Variants in TSHZ1 observed in about 807,000 individuals in gnomAD.
The protein encoded by TSHZ1 is teashirt zinc finger homeobox 1.
In TSHZ1, 12 loss-of-function variants were observed where a neutral mutation model predicts 67.1. The observed-to-expected ratio is 0.18, with a 90% confidence interval of 0.11 to 0.29. The LOEUF (loss-of-function observed/expected upper bound fraction) is 0.29. TSHZ1 is among the 10% of genes least tolerant of loss of function. TSHZ1 has a pLI of 1.00. For missense variants in TSHZ1, 1,305 were observed against 1,413.9 expected (o/e 0.92, Z 1.23); for synonymous variants, 632 against 622.4 (o/e 1.02, Z -0.23).
chr18:75,214,354 C>A (rs1485296650), intron 1 of TSHZ1, among the ~76,000 whole-genome samples: 1 of 152,144 alleles, frequency 6.6e-6, no homozygotes, highest in Non-Finnish European at 1.5e-5. Flanking sequence ...AAGGAGCCGT[C>A]GATGTTTATA....
chr18:75,275,629 A>G (rs533235635), intron 1 of TSHZ1, among the ~76,000 whole-genome samples: 5 of 152,276 alleles, frequency 3.3e-5, no homozygotes, highest in South Asian at 2.1e-4. Context: ...GTCAGATAGT[A>G]CCAAGTTGGA....
rs2022676527 is a variant in TSHZ1, at chr18:75,211,175, G to A, written c.-702G>A. 2 of 152,274 alleles carry A rather than the reference G, an allele frequency of 1.3e-5. No individual in the cohort carries two copies. Among genetic ancestry groups the A allele is most frequent in the East Asian group, 1.9e-4 (1 of 5,158 alleles). The allele number at this position is 152,274 out of a possible 1,614,324, so 9.4% of individuals were successfully genotyped here. On this transcript the variant is annotated 5_prime_UTR_variant, in exon 1 of 2. Transcript: ENST00000580243. ...GCGGGGCACCAAGTGGCGCTCCGGC[G>A]GGGTGACACTGTTTGATCTGTGACT...
intron 1 of TSHZ1, among the ~76,000 whole-genome samples, chr18:75,245,717 C>T (rs778878458): frequency 5.3e-5 from 8 of 152,272 alleles, no homozygotes; most frequent in African/African-American, 1.2e-4. Context: ...TCCGGGAAGT[C>T]GTTGTCTTAT....
chr18:75,276,831 C>T (rs988248646), intron 1 of TSHZ1, among the ~76,000 whole-genome samples: 4 of 152,236 alleles, frequency 2.6e-5, no homozygotes, highest in African/African-American at 4.8e-5. Flanking sequence ...CAAGCAGGGA[C>T]TGAAGACCTG....
intron 1 of TSHZ1, among the ~76,000 whole-genome samples, chr18:75,226,385 A>G (rs2022925803): frequency 6.6e-6 from 1 of 152,164 alleles, no homozygotes; most frequent in South Asian, 2.1e-4. Flanking sequence ...GAAGACGCCT[A>G]TCAGGCACTG....
chr18:75,224,258 T>A (rs1307932043), intron 1 of TSHZ1, among the ~76,000 whole-genome samples: 2 of 152,180 alleles, frequency 1.3e-5, no homozygotes, highest in Non-Finnish European at 2.9e-5. Flanking sequence ...CTTCTTTAAT[T>A]ATTACCTTTG....
At position 75,287,669 on chromosome 18, in the gene TSHZ1, C is replaced by A. The variant is rs2023797734; in HGVS notation, c.2262C>A (p.Asn754Lys). The A allele has an allele frequency of 6.2e-7, 1 of 1,614,084 alleles. No homozygotes were observed. Among genetic ancestry groups the A allele is most frequent in the African/African-American group, 1.3e-5 (1 of 74,934 alleles). The change falls in exon 2 of 2, where the codon AAC becomes AAA. Residue 754 changes from asparagine (N) to lysine (K), a missense_variant. This residue lies in a region of TSHZ1 where 909 missense variants were observed against 961.8 expected (regional missense o/e 0.95). Transcript: ENST00000580243. This position sits in a 1 kb window ranked among gnomAD's most constrained non-coding sequence, Gnocchi z 5.0. ...TGAGCGCTTTGCAGTCCATCATGAA[C>A]ACCCACCTGGGCAAGGTGTCCAAGC... is the stretch of plus-strand genomic sequence containing the variant. ...NPLSALQSIM[N>K]THLGKVSKPV...
intron 1 of TSHZ1, among the ~76,000 whole-genome samples, chr18:75,217,392 T>TC (rs2022784324): frequency 6.6e-6 from 1 of 152,186 alleles, no homozygotes; most frequent in Admixed American, 6.5e-5. Flanking sequence ...GTTTTTTTTT[T>TC]CTACTTTCTG....
intron 1 of TSHZ1, among the ~76,000 whole-genome samples, chr18:75,256,297 A>G (rs143238953): frequency 1.3e-5 from 2 of 152,318 alleles, no homozygotes; most frequent in East Asian, 1.9e-4. Flanking sequence ...GGAGCTGTTC[A>G]TTGTTAATTT....
At chr18:75,263,989 C>T (rs970920655) in intron 1 of TSHZ1, among the ~76,000 whole-genome samples, 1 of 152,226 alleles carries the variant, frequency 6.6e-6, no homozygotes, top group Non-Finnish European at 1.5e-5. Context: ...CATTGTCCAT[C>T]AATTCCACCC....
Position 75,289,750 on chromosome 18 carries a change from C to T in TSHZ1, c.*1109C>T, listed in dbSNP as rs150707558. 3 of 166,992 alleles carry T rather than the reference C, an allele frequency of 1.8e-5. No individual in the cohort carries two copies. Among genetic ancestry groups the T allele is most frequent in the African/African-American group, 7.2e-5 (3 of 41,416 alleles). The allele number at this position is 166,992 out of a possible 1,614,324, so 10.3% of individuals were successfully genotyped here. A position where few individuals can be genotyped will look rare whatever the true frequency, so the allele number is the denominator to read the frequency against. ...TTAAATAGAGGACTTTTACTGGCAC[C>T]TGCATCTCTCCAGATGCATGTACTC... On this transcript the variant is annotated 3_prime_UTR_variant, in exon 2 of 2. Coordinates refer to ENST00000580243, the MANE Select transcript of TSHZ1 (RefSeq NM_001308210.2).
chr18:75,280,755 G>A (rs1426493884), intron 1 of TSHZ1: 1 of 985,356 alleles, frequency 1.0e-6, no homozygotes, highest in African/African-American at 1.7e-5. Context: ...CAGAGGCGCA[G>A]GAGCCTGTGC....
chr18:75,272,040 A>T (rs971683431), intron 1 of TSHZ1, among the ~76,000 whole-genome samples: 4 of 152,230 alleles, frequency 2.6e-5, no homozygotes, highest in African/African-American at 9.6e-5. Flanking sequence ...AGTAATGGAA[A>T]CAGGTTAAAT....
chr18:75,264,219 A>T (rs1354216675), intron 1 of TSHZ1, among the ~76,000 whole-genome samples: 1 of 152,222 alleles, frequency 6.6e-6, no homozygotes, highest in Non-Finnish European at 1.5e-5. Context: ...GCTTTTTGAT[A>T]TGATTATTTT....
chr18:75,215,795 G>A (rs1466680474), intron 1 of TSHZ1, among the ~76,000 whole-genome samples: 1 of 152,158 alleles, frequency 6.6e-6, no homozygotes, highest in Non-Finnish European at 1.5e-5. Flanking sequence ...TGTAATGGCC[G>A]CCCTCCTACC....
intron 1 of TSHZ1, among the ~76,000 whole-genome samples, chr18:75,255,486 A>G (rs1002660787): frequency 6.6e-6 from 1 of 152,116 alleles, no homozygotes; most frequent in Non-Finnish European, 1.5e-5. Flanking sequence ...TCCCCCTAAC[A>G]TAGCTGGGGA....
intron 1 of TSHZ1, among the ~76,000 whole-genome samples, chr18:75,262,895 C>T (rs939726771): frequency 2.0e-5 from 3 of 152,198 alleles, no homozygotes; most frequent in Non-Finnish European, 4.4e-5. Flanking sequence ...AGAACATTTT[C>T]AGGTCACAGT....
intron 1 of TSHZ1, among the ~76,000 whole-genome samples, chr18:75,234,452 A>G (rs2023040862): frequency 6.6e-6 from 1 of 152,182 alleles, no homozygotes; most frequent in Non-Finnish European, 1.5e-5. Flanking sequence ...ATTTTGCAGC[A>G]TTTTGTGCTC....
chr18:75,273,647 C>A (rs191848387), intron 1 of TSHZ1, among the ~76,000 whole-genome samples: 8 of 152,314 alleles, frequency 5.3e-5, no homozygotes, highest in Non-Finnish European at 8.8e-5. Flanking sequence ...TCAGCTCACA[C>A]ATTGTTGGTG....
Sources: gnomAD v4.1 joint callset for allele counts (sites outside exome capture counted in the v4.1 genomes callset) on GRCh38, gnomAD v4.1.1 for gene constraint, gnomAD v4.1.1 regional missense constraint, Gnocchi (gnomAD v3.1) non-coding constraint, MANE v1.5 for transcripts, NCBI Gene and HGNC (gene_info 2026-07-23, HGNC 2026-07-21) for gene names.